The following SLC2A2 variants were observed in gnomAD, a reference collection of about 807,000 sequenced individuals.
SLC2A2 encodes solute carrier family 2 member 2, also known as solute carrier family 2, facilitated glucose transporter member 2.
A neutral mutation model predicts 54.5 loss-of-function variants in SLC2A2; 36 were observed. The ratio of observed to expected loss-of-function variants is 0.66; its 90% CI spans 0.51 to 0.87. The LOEUF is 0.87. SLC2A2 is among the 40% of genes least tolerant of loss of function. SLC2A2 has a pLI of 0.00. For missense variants in SLC2A2, 543 were observed against 624.3 expected (o/e 0.87, Z 1.39); for synonymous variants, 223 against 219.1 (o/e 1.02, Z -0.16).
At chr3:171,002,804 G>T in intron 7 of SLC2A2, 124 bp from the exon 8 acceptor site, 1 of 672,368 alleles carries the variant, frequency 1.5e-6, no homozygotes, top group Non-Finnish European at 2.7e-6. Context: ...CTAGAACTTC[G>T]TACAGATTTT....
intron 1 of SLC2A2, among the ~76,000 whole-genome samples, chr3:171,021,205 A>G (rs571415225): frequency 6.6e-6 from 1 of 152,050 alleles, no homozygotes; most frequent in African/African-American, 2.4e-5. Flanking sequence ...GCTATTTCCA[A>G]GGATAGGGAT....
In SLC2A2 at chr3:171,006,384, A is replaced by G. The variant is rs962735920; in HGVS notation, c.613-279T>C. Among the ~76,000 whole-genome samples the G allele has an allele frequency of 3.0e-4, 45 of 152,048 alleles. 1 individual carries two copies. Among genetic ancestry groups the G allele is most frequent in the African/African-American group, 9.7e-4 (40 of 41,414 alleles). On this transcript the variant is annotated intron_variant, in intron 5 of 10. Transcript: ENST00000314251. ...TAGGTTTCATTAACTCCAATTGGAC[A>G]GTCAGGATGAGAATCAACCAAGCTT...
intron 3 of SLC2A2, 44 bp downstream of exon 3, chr3:171,014,425 A>T (rs1040242292): frequency 6.2e-7 from 1 of 1,600,070 alleles, no homozygotes; most frequent in Middle Eastern, 1.7e-4. Flanking sequence ...GGAAAATGAA[A>T]ATATGAAAGT....
chr3:171,023,103 T>C (rs928334464), intron 1 of SLC2A2, among the ~76,000 whole-genome samples: 1 of 152,234 alleles, frequency 6.6e-6, no homozygotes, highest in Non-Finnish European at 1.5e-5. Context: ...ATTAAAGTCC[T>C]TATCCTCTGG....
intron 1 of SLC2A2, among the ~76,000 whole-genome samples, chr3:171,025,702 G>T (rs1032995279): frequency 6.6e-6 from 1 of 152,198 alleles, no homozygotes; most frequent in Non-Finnish European, 1.5e-5. Flanking sequence ...GGAATGTTCA[G>T]CAGAGTAAGT....
Position 170,997,693 on chromosome 3 carries a change from G to T in SLC2A2, c.*210C>A. ...TGTAACAAAATAAACTAGCCTTTTT[G>T]GTTTACTTAATTACAGTCTTACCAT... On this transcript the variant is annotated 3_prime_UTR_variant, in exon 11 of 11. Transcript: ENST00000314251. 1.8e-6 allele frequency: 1 copy of T among 565,102 alleles called. No individual in the cohort carries two copies. Among genetic ancestry groups the T allele is most frequent in the Non-Finnish European group, 3.1e-6 (1 of 322,980 alleles). 35.0% of individuals were successfully genotyped at this position (565,102 alleles called of 1,614,324 possible).
intron 7 of SLC2A2, among the ~76,000 whole-genome samples, chr3:171,003,935 C>G (rs929004711): frequency 3.9e-5 from 6 of 152,040 alleles, no homozygotes; most frequent in African/African-American, 1.4e-4. Flanking sequence ...TTTCACTAGT[C>G]TCAGTAGACA....
At chr3:171,021,725 G>T (rs1024641920) in intron 1 of SLC2A2, among the ~76,000 whole-genome samples, 1 of 152,166 alleles carries the variant, frequency 6.6e-6, no homozygotes, top group Non-Finnish European at 1.5e-5. Flanking sequence ...AGAAAATTTG[G>T]GTTGATGATG....
chr3:171,017,666 G>A (rs1273250031), intron 2 of SLC2A2, among the ~76,000 whole-genome samples: 2 of 152,054 alleles, frequency 1.3e-5, no homozygotes, highest in Non-Finnish European at 2.9e-5. Context: ...ACTGTGCTTG[G>A]CACCAGTGAT....
rs5403 is a variant in SLC2A2 at position 171,009,948 on chromosome 3, T to A, written c.496+10A>T. On this transcript the variant is annotated intron_variant, in intron 4 of 10. Transcript: ENST00000314251. ...GTGTGTGTGTGTGTGTGTGTGTGTG[T>A]GTGACTTACCACAATATAGTCCTGA... 351 of 1,569,362 alleles carry A rather than the reference T, an allele frequency of 2.2e-4. 4 individuals are homozygous for A. In the African/African-American group the frequency reaches 4.2e-3, roughly 19 times the overall value.
At chr3:171,004,885 T>C (rs1715519106) in intron 7 of SLC2A2, among the ~76,000 whole-genome samples, 1 of 152,020 alleles carries the variant, frequency 6.6e-6, no homozygotes, top group Admixed American at 6.6e-5. Flanking sequence ...GTATACTTCA[T>C]TTAAATAGAT....
At chr3:171,002,736 T>A in intron 7 of SLC2A2, 56 bp from the exon 8 acceptor site, 1 of 938,044 alleles carries the variant, frequency 1.1e-6, no homozygotes, top group Non-Finnish European at 1.7e-6. Context: ...CTGATATCTT[T>A]AAAGCAAGAA....
intron 1 of SLC2A2, among the ~76,000 whole-genome samples, chr3:171,022,590 C>G (rs1716512810): frequency 1.3e-5 from 2 of 152,232 alleles, no homozygotes; most frequent in South Asian, 4.1e-4. Flanking sequence ...AATATACTTT[C>G]CCAGTCTCAT....
Position 171,009,999 on chromosome 3 carries a change from A to G in SLC2A2, c.455T>C (p.Ile152Thr), listed in dbSNP as rs747025551. ...MGFSKLGPSH[I>T]LIIAGRSISG... ...TATGCTTCTTCCAGCAATTATAAGT[A>G]TATGAGATGGTCCCAATTTTGAAAA... Residue 152 changes from isoleucine (I) to threonine (T), a missense_variant, in exon 4 of 11, where the codon ATA becomes ACA. Around this residue, in one of 3 missense-constraint regions of SLC2A2, gnomAD observed 318 missense variants for 343.8 expected, o/e 0.93. Transcript: ENST00000314251. 1 of 1,612,282 alleles carries G rather than the reference A, an allele frequency of 6.2e-7. No homozygotes were observed. The highest frequency in any genetic ancestry group is 1.1e-5 in the South Asian group (1 of 91,028).
chr3:171,009,753 C>T (rs1715786451), intron 4 of SLC2A2, among the ~76,000 whole-genome samples: 2 of 151,934 alleles, frequency 1.3e-5, no homozygotes, highest in African/African-American at 4.8e-5. Flanking sequence ...TGGACGAGAA[C>T]CTTGATAGCA....
chr3:171,012,993 T>C (rs1366942366), intron 3 of SLC2A2, among the ~76,000 whole-genome samples: 2 of 152,168 alleles, frequency 1.3e-5, no homozygotes, highest in Admixed American at 6.5e-5. Context: ...TGTTTTAGGT[T>C]AAGTCACTGA....
intron 8 of SLC2A2, among the ~76,000 whole-genome samples, chr3:171,002,187 G>A (rs1715369257): frequency 6.6e-6 from 1 of 151,964 alleles, no homozygotes; most frequent in Non-Finnish European, 1.5e-5. Flanking sequence ...TATGTAAAAA[G>A]AGGAATCTAA....
Position 170,996,618 on chromosome 3 carries a change from G to A in SLC2A2, c.*1285C>T. ...TATTTCCATAATTGTAAAATTGACT[G>A]TAAGCTAAAGTCTGTTTAATCATCT... On this transcript the variant is annotated 3_prime_UTR_variant, in exon 11 of 11. Transcript: ENST00000314251. 7.5e-6 allele frequency: 3 copies of A among 397,988 alleles called. No homozygotes were observed. The highest frequency in any genetic ancestry group is 1.3e-5 in the Non-Finnish European group (3 of 225,628). 24.7% of individuals were successfully genotyped at this position (397,988 alleles called of 1,614,324 possible).
At chr3:171,002,807 C>A in intron 7 of SLC2A2, 127 bp from the exon 8 acceptor site, 1 of 663,780 alleles carries the variant, frequency 1.5e-6, no homozygotes. Flanking sequence ...GAACTTCGTA[C>A]AGATTTTCTC....
Sources: allele counts gnomAD v4.1 joint callset (sites outside exome capture counted in the v4.1 genomes callset), GRCh38; gene constraint gnomAD v4.1.1; regional missense constraint gnomAD v4.1.1; transcripts MANE v1.5; gene names NCBI Gene and HGNC (gene_info 2026-07-23, HGNC 2026-07-21).